Variants in FLNC observed in about 807,000 individuals in gnomAD.
FLNC encodes the protein filamin C, also known as filamin-C.
Under a neutral mutation model 254.3 loss-of-function variants are expected in FLNC, and 91 were observed. The ratio of observed to expected loss-of-function variants is 0.36; its 90% CI spans 0.30 to 0.43. FLNC has a LOEUF of 0.43. Ranked by LOEUF, FLNC falls within the 20% of genes least tolerant of loss-of-function variation. The pLI is 1.00. For missense variants in FLNC, 2,853 were observed against 3,802.6 expected (o/e 0.75, Z 6.57); for synonymous variants, 1,430 against 1,577.2 (o/e 0.91, Z 2.21).
intron 26 of FLNC, among the ~76,000 whole-genome samples, chr7:128,848,352 C>T (rs543052253): frequency 1.3e-5 from 2 of 152,238 alleles, no homozygotes; most frequent in South Asian, 2.1e-4. Flanking sequence ...GGAATGGAGA[C>T]GTACCCTGGC....
At position 128,845,246 on chromosome 7, in the gene FLNC, G is replaced by A. The variant is rs747033771; in HGVS notation, c.3781G>A (p.Glu1261Lys). 5 of 1,613,200 alleles carry A rather than the reference G, an allele frequency of 3.1e-6. No individual in the cohort carries two copies. In the Admixed American group the frequency reaches 6.7e-5, roughly 22 times the overall value. Residue 1261 changes from glutamate (E) to lysine (K), a missense_variant, in exon 21 of 48, where the codon GAG (glutamate) becomes AAG (lysine). Around this residue, in one of 10 missense-constraint regions of FLNC, gnomAD observed 1,573 missense variants for 1,883.5 expected, o/e 0.84. Transcript: ENST00000325888. Reference protein sequence around the residue: ...SGVKVSGPGVEPHGVLREVTT... With the variant: ...SGVKVSGPGVKPHGVLREVTT... ...CGTCAAGGTCTCAGGGCCTGGTGTT[G>A]AGCCACACGGTGAGTGGACAGGAGG...
intron 28 of FLNC, 47 bp downstream of exon 28, chr7:128,849,029 C>G (rs759019285): frequency 6.2e-7 from 1 of 1,601,382 alleles, no homozygotes; most frequent in South Asian, 1.1e-5. Flanking sequence ...CCCAGCCCCT[C>G]AAAGCCCCTC....
rs2128938497 is a variant in FLNC, at chr7:128,851,615, A to G, written c.5829A>G (p.Thr1943=). The G allele has an allele frequency of 6.2e-7, 1 of 1,613,896 alleles. No homozygotes were observed. The highest frequency in any genetic ancestry group is 1.1e-5 in the South Asian group (1 of 91,082). ...AGCACATCCCGGGGAGCCCCTTCAC[A>G]GCCAAGATCACAGGTGAGGCGGGTG... ...DDKHIPGSPF[T]AKITGDDSMR... The change falls in exon 35 of 48, where the codon ACA becomes ACG. Residue 1943 remains threonine, a synonymous_variant. Coordinates refer to ENST00000325888, the MANE Select transcript of FLNC (RefSeq NM_001458.5).
chr7:128,847,461 C>G (rs1438285448), intron 24 of FLNC, among the ~76,000 whole-genome samples: 1 of 152,236 alleles, frequency 6.6e-6, no homozygotes, highest in Non-Finnish European at 1.5e-5. Context: ...TTTAGGAAGG[C>G]CTTCTCTTCC....
At chr7:128,845,956 C>A (rs773665983) in intron 21 of FLNC, 34 bp from the exon 22 acceptor site, 1 of 1,608,898 alleles carries the variant, frequency 6.2e-7, no homozygotes, top group Non-Finnish European at 8.5e-7. Flanking sequence ...AGGCTGCCCC[C>A]ACCCCTGCTG....
Position 128,840,850 on chromosome 7 carries a change from G to A in FLNC, c.1693G>A (p.Val565Met), listed in dbSNP as rs1276774889. 2.5e-6 allele frequency: 4 copies of A among 1,613,880 alleles called. No homozygotes were observed. In the East Asian group the frequency reaches 6.7e-5, roughly 27 times the overall value. ...AIPRSPFEVQ[V>M]SPEAGVQKVR... is the part of the protein sequence containing the mutation. ...TCTGCCCAGCCCCTTTGAGGTACAG[G>A]TGAGCCCAGAGGCAGGAGTGCAAAA... The change falls in exon 11 of 48, where the codon GTG (valine) becomes ATG (methionine). Residue 565 changes from valine (V) to methionine (M), a missense_variant. Around this residue, in one of 10 missense-constraint regions of FLNC, gnomAD observed 1,573 missense variants for 1,883.5 expected, o/e 0.84. Transcript: ENST00000325888.
rs368032737 is a variant in FLNC at position 128,830,979 on chromosome 7, C to G, written c.342C>G (p.Leu114=). ...TCCTCGAGCGCGAGCACATCAAGCT[C>G]GTGTCCATAGGTCAGTGCCGGGGGC... ...LEFLEREHIK[L]VSIDSKAIVD... Residue 114 remains leucine, a synonymous_variant, in exon 1 of 48, where the codon CTC becomes CTG. Coordinates refer to ENST00000325888, the MANE Select transcript of FLNC (RefSeq NM_001458.5). The G allele has an allele frequency of 3.1e-6, 5 of 1,607,810 alleles. No individual in the cohort carries two copies. The highest frequency in any genetic ancestry group is 3.4e-6 in the Non-Finnish European group (4 of 1,179,932).
chr7:128,849,585 T>G lies in FLNC; in HGVS notation c.5199+7T>G, dbSNP rs1204070127. ...CAGCCCCTTCCACGTGCTGGTAAGT[T>G]CTGTAGCCACAGCAAGACTAGATGG... On this transcript the variant is annotated splice_region_variant and intron_variant, in intron 30 of 47. Coordinates refer to ENST00000325888, the MANE Select transcript of FLNC (RefSeq NM_001458.5). 1 of 1,613,352 alleles carries G rather than the reference T, an allele frequency of 6.2e-7. No homozygotes were observed. Among genetic ancestry groups the G allele is most frequent in the Non-Finnish European group, 8.5e-7 (1 of 1,179,670 alleles).
chr7:128,845,159 G>A lies in FLNC; in HGVS notation c.3694G>A (p.Gly1232Arg), dbSNP rs754533053. The A allele has an allele frequency of 6.2e-7, 1 of 1,613,922 alleles. No homozygotes were observed. The highest frequency in any genetic ancestry group is 2.2e-5 in the East Asian group (1 of 44,880). Residue 1232 changes from glycine to arginine, a missense_variant, in exon 21 of 48, where the codon GGG becomes AGG. Physicochemically the swap from Gly to Arg is moderately radical, Grantham distance 125. Coordinates refer to ENST00000325888, the MANE Select transcript of FLNC (RefSeq NM_001458.5). ...CTACACCATTACCATCAAGTATGGC[G>A]GGCATCCCGTGCCCAAATTCCCCAC... ...GTYTITIKYGGHPVPKFPTRV... is the reference protein window; with the variant it reads ...GTYTITIKYGRHPVPKFPTRV...
Position 128,840,030 on chromosome 7 carries a change from C to T in FLNC, c.1419C>T (p.Asn473=). The change falls in exon 9 of 48, where the codon AAC becomes AAT. Residue 473 remains asparagine, a synonymous_variant. Coordinates refer to ENST00000325888, the MANE Select transcript of FLNC (RefSeq NM_001458.5). ...PFPVHVSEAC[N]PNACRASGRG... ...TTTCTCTTCCTCCCCTAGCCTGTAA[C>T]CCCAACGCCTGCCGCGCCTCTGGGC... 1 of 1,613,554 alleles carries T rather than the reference C, an allele frequency of 6.2e-7. No homozygotes were observed. Among genetic ancestry groups the T allele is most frequent in the South Asian group, 1.1e-5 (1 of 91,090 alleles).
chr7:128,855,859 C>A (rs1364115216), intron 43 of FLNC, among the ~76,000 whole-genome samples: 1 of 152,212 alleles, frequency 6.6e-6, no homozygotes, highest in Non-Finnish European at 1.5e-5. Flanking sequence ...GCAAGTCACA[C>A]TGAAACATGC....
At position 128,837,994 on chromosome 7, in the gene FLNC, T is replaced by C. The variant is rs570010538; in HGVS notation, c.977T>C (p.Val326Ala). 3.3e-5 allele frequency: 53 copies of C among 1,613,844 alleles called. No individual in the cohort carries two copies. In the Middle Eastern group the frequency reaches 5.0e-4, roughly 15 times the overall value. Residue 326 changes from valine to alanine, a missense_variant, in exon 6 of 48, where the codon GTG (valine) becomes GCG (alanine). Val to Ala is a moderately conservative substitution (Grantham distance 64). Around this residue, in one of 10 missense-constraint regions of FLNC, gnomAD observed 1,573 missense variants for 1,883.5 expected, o/e 0.84. Coordinates refer to ENST00000325888, the MANE Select transcript of FLNC (RefSeq NM_001458.5). ...DPEGHTEEAK[V>A]VPNNDKDRTY... is the part of the protein sequence containing the mutation. The stretch of plus-strand genomic sequence containing the variant: ...CTTTTTCCTTCCTAATAGGCTAAGG[T>C]GGTTCCCAACAATGACAAGGATCGC...
Position 128,850,038 on chromosome 7 carries a change from CGCTCCTCCCCG to C in FLNC, c.5265_5275del (p.Pro1756ArgfsTer71). ...AAGTGCCACAGCTGCGCCAGCCCTA[CGCTCCTCCCCG>C]GCCCGGCGCCCGCCCCACACACTGG... On this transcript the variant is annotated frameshift_variant, in exon 31 of 48. Transcript: ENST00000325888. LOFTEE classifies it high-confidence loss of function. The C allele has an allele frequency of 1.3e-6, 2 of 1,552,718 alleles. No homozygotes were observed. Among genetic ancestry groups the C allele is most frequent in the Non-Finnish European group, 1.7e-6 (2 of 1,154,856 alleles).
chr7:128,856,455 T>G lies in FLNC; in HGVS notation c.7252-63T>G, dbSNP rs1197510419. 1.8e-5 allele frequency: 28 copies of G among 1,596,948 alleles called. No individual in the cohort carries two copies. The East Asian group carries it at 5.8e-4, about 33-fold the overall frequency. ...CTTACAGTGAGCACCGTGTGGGGCT[T>G]CAGAGAAGACTGCTCCAGCCCCGGC... On this transcript the variant is annotated intron_variant, in intron 43 of 47. Coordinates refer to ENST00000325888, the MANE Select transcript of FLNC (RefSeq NM_001458.5). The surrounding 1 kb of genome is among the most constrained non-coding windows in gnomAD (Gnocchi z 5.9).
intron 43 of FLNC, 65 bp downstream of exon 43, chr7:128,855,379 G>C (rs1809013372): frequency 3.9e-6 from 4 of 1,034,338 alleles, no homozygotes; most frequent in Non-Finnish European, 6.0e-6. Flanking sequence ...GTTGAGGACA[G>C]CAGGTCCATG....
At position 128,856,581 on chromosome 7, in the gene FLNC, G is replaced by C. The variant is rs752667511; in HGVS notation, c.7315G>C (p.Val2439Leu). The change falls in exon 44 of 48, where the codon GTG (valine) becomes CTG (leucine). Residue 2439 changes from valine to leucine, a missense_variant. Transcript: ENST00000325888. This position sits in a 1 kb window ranked among gnomAD's most constrained non-coding sequence, Gnocchi z 5.9. Reference protein sequence around the residue: ...FAVQLNGARGVIDARVHTPSG... With the variant: ...FAVQLNGARGLIDARVHTPSG... ...CGTGCAGCTGAACGGTGCCCGGGGCGTGATTGATGCCCGGGTGCACACACC... is the reference window on the plus strand; with the variant it reads ...CGTGCAGCTGAACGGTGCCCGGGGCCTGATTGATGCCCGGGTGCACACACC... 12 of 1,612,644 alleles carry C rather than the reference G, an allele frequency of 7.4e-6. No homozygotes were observed. Among genetic ancestry groups the C allele is most frequent in the Non-Finnish European group, 1.0e-5 (12 of 1,179,980 alleles).
At position 128,853,027 on chromosome 7, in the gene FLNC, T is replaced by C. The variant is rs756870900; in HGVS notation, c.6204T>C (p.Asn2068=). 52 of 1,612,946 alleles carry C rather than the reference T, an allele frequency of 3.2e-5. No individual in the cohort carries two copies. Among genetic ancestry groups the C allele is most frequent in the Non-Finnish European group, 4.3e-5 (51 of 1,179,932 alleles). ...CAGAGTTCATCGTGGACACTCGCAA[T>C]GCAGGTACCTCCTGCCCCAGAGAGC... ...QVAEFIVDTR[N]AGYGGLGLSI... is the part of the protein sequence containing the mutation. The change falls in exon 37 of 48, where the codon AAT becomes AAC. Residue 2068 remains asparagine (N), a synonymous_variant. Coordinates refer to ENST00000325888, the MANE Select transcript of FLNC (RefSeq NM_001458.5).
chr7:128,835,086 T>C lies in FLNC; in HGVS notation c.353-240T>C, dbSNP rs1303692989. Among the ~76,000 whole-genome samples the C allele has an allele frequency of 6.6e-6, 1 of 152,138 alleles. No individual in the cohort carries two copies. The highest frequency in any genetic ancestry group is 1.5e-5 in the Non-Finnish European group (1 of 68,012). ...AGGAGGCAGACTCACTTGCTGTAGC[T>C]GAGGTGAGGGTACCTTCCAGAACCA... On this transcript the variant is annotated intron_variant, in intron 1 of 47. Coordinates refer to ENST00000325888, the MANE Select transcript of FLNC (RefSeq NM_001458.5). The surrounding 1 kb of genome is among the most constrained non-coding windows in gnomAD (Gnocchi z 5.3).
Position 128,856,627 on chromosome 7 carries a change from G to A in FLNC, c.7361G>A (p.Cys2454Tyr), listed in dbSNP as rs1288936424. ...ACACCCTCGGGGGCTGTGGAGGAGT[G>A]CTACGTCTCTGAGCTGGACAGTGGT... is the stretch of plus-strand genomic sequence containing the variant. ...VHTPSGAVEECYVSELDSDKH... is the reference protein window; with the variant it reads ...VHTPSGAVEEYYVSELDSDKH... Residue 2454 changes from cysteine to tyrosine, a missense_variant, in exon 44 of 48, where the codon TGC (cysteine) becomes TAC (tyrosine). This residue lies in a region of FLNC where 47 missense variants were observed against 40.3 expected (regional missense o/e 1.17). Transcript: ENST00000325888. This position sits in a 1 kb window ranked among gnomAD's most constrained non-coding sequence, Gnocchi z 5.9. The A allele has an allele frequency of 1.9e-6, 3 of 1,612,876 alleles. No homozygotes were observed. Among genetic ancestry groups the A allele is most frequent in the Admixed American group, 1.7e-5 (1 of 60,036 alleles).
Sources: gnomAD v4.1 joint callset for allele counts (sites outside exome capture counted in the v4.1 genomes callset) on GRCh38, gnomAD v4.1.1 for gene constraint, gnomAD v4.1.1 regional missense constraint, Gnocchi (gnomAD v3.1) non-coding constraint, MANE v1.5 for transcripts, NCBI Gene and HGNC (gene_info 2026-07-23, HGNC 2026-07-21) for gene names.